TTC13: variants seen among roughly 807,000 people sequenced by gnomAD.
TTC13 encodes the protein tetratricopeptide repeat domain 13.
A neutral mutation model predicts 120.0 loss-of-function variants in TTC13; 62 were observed. The ratio of observed to expected loss-of-function variants is 0.52; its 90% CI spans 0.42 to 0.64. The LOEUF is 0.64. Among genes scored for constraint, TTC13 ranks in the 30% least tolerant of loss-of-function variants. The pLI is 0.00. For synonymous variants in TTC13, 384 were observed against 393.5 expected, an observed-to-expected ratio of 0.98 and a Z score of 0.28; for missense variants, 824 against 1,050.2, an observed-to-expected ratio of 0.78 and a Z score of 2.98.
At chr1:230,972,765 A>T (rs1677895708) in intron 1 of TTC13, among the ~76,000 whole-genome samples, 1 of 152,110 alleles carries the variant, frequency 6.6e-6, no homozygotes, top group Non-Finnish European at 1.5e-5. Context: ...ATCTTTTAAA[A>T]GGTAGATGTA....
chr1:230,950,069 A>G (rs548009878), intron 4 of TTC13, among the ~76,000 whole-genome samples: 2 of 152,292 alleles, frequency 1.3e-5, no homozygotes, highest in African/African-American at 2.4e-5. Flanking sequence ...AGATTTTATT[A>G]CTTTTAAAAG....
At chr1:230,950,373 T>C (rs1675453472) in intron 4 of TTC13, among the ~76,000 whole-genome samples, 1 of 152,102 alleles carries the variant, frequency 6.6e-6, no homozygotes, top group South Asian at 2.1e-4. Context: ...AACTGCAAAA[T>C]CATGGTATAA....
At chr1:230,917,503 C>A (rs192785705) in intron 17 of TTC13, among the ~76,000 whole-genome samples, 31 of 152,304 alleles carry the variant, frequency 2.0e-4, no homozygotes, top group African/African-American at 7.2e-4. Context: ...CTGGTACATT[C>A]CACTAAGCAC....
chr1:230,968,386 C>A (rs1401539091), intron 1 of TTC13, among the ~76,000 whole-genome samples: 1 of 152,058 alleles, frequency 6.6e-6, no homozygotes, highest in Non-Finnish European at 1.5e-5. Context: ...ATTTCTAATT[C>A]ATTTATACCA....
Position 230,920,566 on chromosome 1 carries a change from C to A in TTC13, c.1927G>T (p.Val643Phe). 1.3e-6 allele frequency: 2 copies of A among 1,597,738 alleles called. No individual in the cohort carries two copies. The highest frequency in any genetic ancestry group is 1.3e-5 in the African/African-American group (1 of 74,230). Residue 643 changes from valine to phenylalanine, a missense_variant, in exon 17 of 23, where the codon GTT becomes TTT. Val to Phe is a conservative substitution (Grantham distance 50, BLOSUM62 -1). Around this residue, in one of 4 missense-constraint regions of TTC13, gnomAD observed 226 missense variants for 259.1 expected, o/e 0.87. Coordinates refer to ENST00000366661, the MANE Select transcript of TTC13 (RefSeq NM_024525.5). ...GANNPKGLLEVREALEKVHKV... is the reference protein window; with the variant it reads ...GANNPKGLLEFREALEKVHKV... ...TGTACCTTTTCCAGGGCTTCCCGAA[C>A]TTCCAGCAATCCTTTAGGATTATTA...
rs538517100 is a variant in TTC13 at position 230,944,024 on chromosome 1, C to T, written c.580-126G>A. 6 of 494,620 alleles carry T rather than the reference C, an allele frequency of 1.2e-5. No individual in the cohort carries two copies. The East Asian group carries it at 2.0e-4, about 16-fold the overall frequency. 30.6% of individuals were successfully genotyped at this position (494,620 alleles called of 1,614,324 possible). ...TGTTTAAAAATAAATATGAACTTCA[C>T]TTCTATGTAAGAGATGTGCCATGTC... On this transcript the variant is annotated intron_variant, in intron 5 of 22. Transcript: ENST00000366661. This position sits in a 1 kb window ranked among gnomAD's most constrained non-coding sequence, Gnocchi z 4.0.
At chr1:230,952,317 T>C (rs1260598741) in intron 4 of TTC13, among the ~76,000 whole-genome samples, 2 of 152,156 alleles carry the variant, frequency 1.3e-5, no homozygotes, top group Non-Finnish European at 2.9e-5. Flanking sequence ...TGGGAAGCAC[T>C]GAGATAAAGG....
chr1:230,945,415 T>C lies in TTC13; in HGVS notation c.553A>G (p.Ile185Val), dbSNP rs1674895224. ...TGTAGTCCCTTCTTTCCATAGGCTA[T>C]CCCTCGGCCATAAATTGCACTAACC... is the stretch of plus-strand genomic sequence containing the variant. Reference protein sequence around the residue: ...DLVSAIYGRGIAYGKKGLHDI... With the variant: ...DLVSAIYGRGVAYGKKGLHDI... Residue 185 changes from isoleucine to valine, a missense_variant, in exon 5 of 23, where the codon ATA (isoleucine) becomes GTA (valine). Coordinates refer to ENST00000366661, the MANE Select transcript of TTC13 (RefSeq NM_024525.5). The C allele has an allele frequency of 1.2e-6, 2 of 1,613,998 alleles. No individual in the cohort carries two copies. Among genetic ancestry groups the C allele is most frequent in the Non-Finnish European group, 1.7e-6 (2 of 1,179,994 alleles).
At chr1:230,933,950 C>T (rs1445144784) in intron 8 of TTC13, 89 bp from the exon 9 acceptor site, 5 of 735,004 alleles carry the variant, frequency 6.8e-6, no homozygotes, top group Non-Finnish European at 1.0e-5. Flanking sequence ...AATATATATC[C>T]TAGTCTCTGA....
chr1:230,958,047 T>A (rs1436627934), intron 3 of TTC13, among the ~76,000 whole-genome samples, 177 bp downstream of exon 3: 1 of 152,152 alleles, frequency 6.6e-6, no homozygotes, highest in Non-Finnish European at 1.5e-5. Flanking sequence ...ACCTTTTTTT[T>A]TTCTCTTGAC....
chr1:230,929,543 T>C (rs542885085), intron 11 of TTC13, among the ~76,000 whole-genome samples: 2 of 152,282 alleles, frequency 1.3e-5, no homozygotes, highest in Non-Finnish European at 2.9e-5. Context: ...CTCGATCTCC[T>C]GACCTTGTGA....
intron 21 of TTC13, 54 bp downstream of exon 21, chr1:230,908,888 T>C (rs1368070946): frequency 2.5e-6 from 4 of 1,609,676 alleles, no homozygotes; most frequent in South Asian, 1.1e-5. Flanking sequence ...TAAAAATCCA[T>C]AAATTGGGAC....
chr1:230,963,604 C>T (rs1236342319), intron 1 of TTC13, among the ~76,000 whole-genome samples: 2 of 151,314 alleles, frequency 1.3e-5, no homozygotes, highest in African/African-American at 4.9e-5. Context: ...CACTGCACTC[C>T]AGTCTGGATG....
At chr1:230,933,066 G>A (rs554777215) in intron 9 of TTC13, among the ~76,000 whole-genome samples, 1 of 151,900 alleles carries the variant, frequency 6.6e-6, no homozygotes, top group South Asian at 2.1e-4. Flanking sequence ...TCTGACTCCC[G>A]GGTTCAAGCG....
At chr1:230,967,540 A>G (rs1022189149) in intron 1 of TTC13, among the ~76,000 whole-genome samples, 9 of 152,160 alleles carry the variant, frequency 5.9e-5, no homozygotes, top group Admixed American at 2.6e-4. Flanking sequence ...TTCAAGTTGA[A>G]CCATCTGTGT....
intron 19 of TTC13, among the ~76,000 whole-genome samples, chr1:230,912,110 T>C (rs1000434888): frequency 2.0e-5 from 3 of 152,034 alleles, no homozygotes; most frequent in African/African-American, 7.2e-5. Flanking sequence ...ATGTCCACCA[T>C]ACCCTGCTGC....
intron 9 of TTC13, among the ~76,000 whole-genome samples, chr1:230,933,145 G>A (rs12090023): frequency 0.064 from 9,755 of 152,006 alleles, 638 homozygotes; most frequent in African/African-American, 0.17. Context: ...GCTAACTTTT[G>A]TATTTTTAGT....
intron 1 of TTC13, among the ~76,000 whole-genome samples, chr1:230,967,862 C>T (rs1677283117): frequency 1.3e-5 from 2 of 152,162 alleles, no homozygotes. Context: ...ATAGGAAAAG[C>T]ATTAGTTTTC....
In TTC13 at chr1:230,943,868, C is replaced by A; in HGVS notation, c.610G>T (p.Glu204Ter). ...DIKNAELALF[E>*]LSRVITLEPD... ...TCCAAGGTAATTACTCGGCTCAGTT[C>A]GAACAGAGCAAGCTCAGCATTCTTA... Residue 204 changes from glutamate (E) to a stop codon, truncating the protein, a stop_gained, in exon 6 of 23, where the codon GAA (glutamate) becomes TAA (stop). Coordinates refer to ENST00000366661, the MANE Select transcript of TTC13 (RefSeq NM_024525.5). LOFTEE classifies it high-confidence loss of function. 1.2e-6 allele frequency: 2 copies of A among 1,611,404 alleles called. No homozygotes were observed. The highest frequency in any genetic ancestry group is 1.1e-5 in the South Asian group (1 of 90,804).
Sources: gnomAD v4.1 joint callset for allele counts (sites outside exome capture counted in the v4.1 genomes callset) on GRCh38, gnomAD v4.1.1 for gene constraint, gnomAD v4.1.1 regional missense constraint, Gnocchi (gnomAD v3.1) non-coding constraint, MANE v1.5 for transcripts, NCBI Gene and HGNC (gene_info 2026-07-23, HGNC 2026-07-21) for gene names.